Variants in LINGO2 observed in about 807,000 individuals in gnomAD.
LINGO2 encodes leucine rich repeat and Ig domain containing 2.
A neutral mutation model predicts 30.6 loss-of-function variants in LINGO2; 14 were observed. That is an observed-to-expected ratio of 0.46 (90% confidence interval 0.30 to 0.72). The LOEUF is 0.72. LINGO2 is among the 30% of genes least tolerant of loss of function. LINGO2 has a pLI of 0.07. For missense variants in LINGO2, 729 were observed against 751.7 expected (o/e 0.97, Z 0.35); for synonymous variants, 317 against 288.5 (o/e 1.10, Z -1.00).
chr9:28,545,025 C>T (rs1366710684), intron 1 of LINGO2, among the ~76,000 whole-genome samples: 5 of 151,718 alleles, frequency 3.3e-5, no homozygotes, highest in East Asian at 1.9e-4. Context: ...GTCAAAGCAA[C>T]CCTAAAACAA....
chr9:28,707,218 C>T, the LINGO2 span, among the ~76,000 whole-genome samples: 3 of 152,060 alleles, frequency 2.0e-5, no homozygotes, highest in African/African-American at 4.8e-5. Flanking sequence ...CTCATGAAAT[C>T]ATTACATCTT....
At chr9:28,794,467 C>T in the LINGO2 span, among the ~76,000 whole-genome samples, 1 of 152,284 alleles carries the variant, frequency 6.6e-6, no homozygotes, top group South Asian at 2.1e-4. Flanking sequence ...GATGAGGTTT[C>T]CTGAGTTGAA....
chr9:29,077,896 T>C, the LINGO2 span, among the ~76,000 whole-genome samples: 9 of 151,854 alleles, frequency 5.9e-5, no homozygotes, highest in African/African-American at 2.2e-4. Flanking sequence ...AAAAGCAGCA[T>C]CTATCAGATC....
At chr9:28,384,654 C>G (rs1821504582) in intron 2 of LINGO2, among the ~76,000 whole-genome samples, 1 of 151,860 alleles carries the variant, frequency 6.6e-6, no homozygotes, top group Non-Finnish European at 1.5e-5. Flanking sequence ...AGTGCTTTCT[C>G]TTTTCTTTGC....
At chr9:28,509,239 G>A (rs967577394) in intron 1 of LINGO2, among the ~76,000 whole-genome samples, 5 of 152,198 alleles carry the variant, frequency 3.3e-5, no homozygotes, top group East Asian at 1.9e-4. Flanking sequence ...CCTCAAGAAC[G>A]TCCAATGGGC....
chr9:28,236,317 G>C (rs1196331873), intron 4 of LINGO2, among the ~76,000 whole-genome samples: 1 of 152,126 alleles, frequency 6.6e-6, no homozygotes, highest in African/African-American at 2.4e-5. Context: ...TGTCCAACAA[G>C]AAATGCTAAA....
the LINGO2 span, among the ~76,000 whole-genome samples, chr9:29,198,914 A>T: frequency 6.6e-6 from 1 of 152,116 alleles, no homozygotes; most frequent in African/African-American, 2.4e-5. Flanking sequence ...TATCATAGAA[A>T]ATTCAGCCAA....
intron 4 of LINGO2, among the ~76,000 whole-genome samples, chr9:28,111,180 G>A (rs1017641439): frequency 2.0e-5 from 3 of 151,992 alleles, no homozygotes; most frequent in East Asian, 1.9e-4. Flanking sequence ...AGTGGGAGTC[G>A]AATAATGAGA....
intron 4 of LINGO2, among the ~76,000 whole-genome samples, chr9:28,124,700 C>T (rs1283350097): frequency 6.6e-6 from 1 of 152,126 alleles, no homozygotes; most frequent in African/African-American, 2.4e-5. Flanking sequence ...GGATCACTAT[C>T]AAGGCAGCTG....
chr9:28,272,058 G>C (rs1025565661), intron 4 of LINGO2, among the ~76,000 whole-genome samples: 1 of 152,136 alleles, frequency 6.6e-6, no homozygotes, highest in South Asian at 2.1e-4. Context: ...GACCTTTCCT[G>C]CATCCTTACT....
At chr9:28,058,902 G>A (rs1255015166) in intron 4 of LINGO2, among the ~76,000 whole-genome samples, 1 of 152,074 alleles carries the variant, frequency 6.6e-6, no homozygotes, top group Admixed American at 6.6e-5. Flanking sequence ...ATGAACACTT[G>A]TACATGCATG....
chr9:28,029,574 T>C (rs548602489), intron 4 of LINGO2, among the ~76,000 whole-genome samples: 1 of 151,686 alleles, frequency 6.6e-6, no homozygotes, highest in South Asian at 2.1e-4. Context: ...TTTATATCCT[T>C]CTAACCGTCA....
At chr9:28,028,019 C>G (rs910128556) in intron 4 of LINGO2, among the ~76,000 whole-genome samples, 2 of 152,144 alleles carry the variant, frequency 1.3e-5, no homozygotes, top group African/African-American at 2.4e-5. Context: ...TGACCACTCA[C>G]TTATTTGTTA....
chr9:28,731,854 G>A, the LINGO2 span, among the ~76,000 whole-genome samples: 4 of 151,990 alleles, frequency 2.6e-5, no homozygotes, highest in African/African-American at 9.7e-5. Flanking sequence ...GCTGGGAAAA[G>A]GGTACATGAC....
chr9:28,007,894 C>T (rs988940085), intron 5 of LINGO2, among the ~76,000 whole-genome samples: 24 of 152,118 alleles, frequency 1.6e-4, no homozygotes, highest in Non-Finnish European at 2.5e-4. Context: ...CATTTTACCA[C>T]GGTGTCACTC....
At chr9:29,003,358 G>A in the LINGO2 span, among the ~76,000 whole-genome samples, 3 of 152,038 alleles carry the variant, frequency 2.0e-5, no homozygotes, top group Admixed American at 6.6e-5. Flanking sequence ...TCTGTAGTAT[G>A]TGTGGGAAAG....
At chr9:28,843,867 C>T in the LINGO2 span, among the ~76,000 whole-genome samples, 2 of 151,704 alleles carry the variant, frequency 1.3e-5, no homozygotes, top group African/African-American at 4.9e-5. Context: ...GGAATCAGAA[C>T]GATTTAGGTT....
intron 1 of LINGO2, among the ~76,000 whole-genome samples, chr9:28,597,362 A>G (rs372517090): frequency 6.6e-6 from 1 of 152,214 alleles, no homozygotes; most frequent in Non-Finnish European, 1.5e-5. Flanking sequence ...CGAAGTGAAG[A>G]AAGAGCTATT....
chr9:29,011,066 C>T, the LINGO2 span, among the ~76,000 whole-genome samples: 1 of 152,132 alleles, frequency 6.6e-6, no homozygotes, highest in Non-Finnish European at 1.5e-5. Flanking sequence ...AGTGCTCACA[C>T]TGGTTTCAAA....
Sources: gnomAD v4.1 joint callset for allele counts (sites outside exome capture counted in the v4.1 genomes callset) on GRCh38, gnomAD v4.1.1 for gene constraint, MANE v1.5 for transcripts, NCBI Gene and HGNC (gene_info 2026-07-23, HGNC 2026-07-21) for gene names.